ANKRD6: variants seen among roughly 807,000 people sequenced by gnomAD.
ANKRD6 encodes the protein ankyrin repeat domain 6.
ANKRD6 carries 56 observed loss-of-function variants against 82.3 expected under a neutral mutation model. That is an observed-to-expected ratio of 0.68 (90% CI 0.55 to 0.85). The LOEUF (loss-of-function observed/expected upper bound fraction) is 0.85, where lower values mean the gene tolerates loss of function less well. ANKRD6 is among the 40% of genes least tolerant of loss of function. ANKRD6 has a pLI of 0.00. For synonymous variants in ANKRD6, 347 were observed against 352.1 expected (o/e 0.99, Z 0.16); for missense variants, 852 against 907.6 (o/e 0.94, Z 0.79).
intron 1 of ANKRD6, among the ~76,000 whole-genome samples, chr6:89,515,516 A>G (rs1224248856): frequency 6.6e-6 from 1 of 152,206 alleles, no homozygotes; most frequent in Non-Finnish European, 1.5e-5. Context: ...GGCAGGTAAA[A>G]TGTCTGCCCT....
chr6:89,579,988 A>G (rs1341938923), intron 2 of ANKRD6, among the ~76,000 whole-genome samples: 2 of 152,114 alleles, frequency 1.3e-5, no homozygotes, highest in East Asian at 1.9e-4. Context: ...AGAAGAGTCA[A>G]AATTATAGGG....
chr6:89,580,196 C>T (rs868373058), intron 2 of ANKRD6, among the ~76,000 whole-genome samples: 5 of 147,326 alleles, frequency 3.4e-5, no homozygotes, highest in Non-Finnish European at 7.4e-5. Flanking sequence ...AATTATACCT[C>T]GAGAAACTTG....
chr6:89,603,197 C>T lies in ANKRD6; in HGVS notation c.318+70C>T. On this transcript the variant is annotated intron_variant, in intron 4 of 15. Coordinates refer to ENST00000339746, the MANE Select transcript of ANKRD6 (RefSeq NM_001242809.2). ...CAGTGGCTCAGGGGAGCTGGAGGAGCCCGCTCTGGAAACTTTTGAGTCCTC... is the reference window on the plus strand; with the variant it reads ...CAGTGGCTCAGGGGAGCTGGAGGAGTCCGCTCTGGAAACTTTTGAGTCCTC... The T allele has an allele frequency of 2.1e-6, 3 of 1,425,538 alleles. No homozygotes were observed. In the Admixed American group the frequency reaches 6.2e-5, roughly 29 times the overall value. The allele number at this position is 1,425,538 out of a possible 1,614,324, so 88.3% of individuals were successfully genotyped here.
chr6:89,436,090 G>GT (rs1463053557), intron 1 of ANKRD6, among the ~76,000 whole-genome samples: 2 of 152,192 alleles, frequency 1.3e-5, no homozygotes. Context: ...TCAGTAGTTA[G>GT]TAGTTAGGTT....
chr6:89,529,898 A>G (rs746644783), intron 1 of ANKRD6, among the ~76,000 whole-genome samples: 3 of 152,200 alleles, frequency 2.0e-5, no homozygotes, highest in Non-Finnish European at 2.9e-5. Context: ...GTACCCCAAA[A>G]CAATTACAGT....
rs540181617 is a variant in ANKRD6 at position 89,466,011 on chromosome 6, A to G, written c.-144+32636A>G. ...AGATAATATAGGAAATGAGCAGAAA[A>G]GAAGATAATCCTCTCCAGTCTTTCT... On this transcript the variant is annotated intron_variant, in intron 1 of 15. Transcript: ENST00000339746. 4.6e-5 allele frequency among the ~76,000 whole-genome samples: 7 copies of G among 152,328 alleles called. No homozygotes were observed. In the East Asian group the frequency reaches 1.3e-3, roughly 29 times the overall value.
rs569884426 is a variant in ANKRD6, at chr6:89,462,960, T to C, written c.-144+29585T>C. Among the ~76,000 whole-genome samples the C allele has an allele frequency of 2.6e-5, 4 of 151,706 alleles. No individual in the cohort carries two copies. In the South Asian group the frequency reaches 8.4e-4, roughly 32 times the overall value. On this transcript the variant is annotated intron_variant, in intron 1 of 15. Transcript: ENST00000339746. ...TCAGAGCTCGCTCAAACTCCTGGGC[T>C]CAAGTGATCCTCCTGCCTCAGCTTC...
chr6:89,492,234 A>T (rs1379932440), intron 1 of ANKRD6, among the ~76,000 whole-genome samples: 1 of 152,162 alleles, frequency 6.6e-6, no homozygotes, highest in Admixed American at 6.5e-5. Flanking sequence ...GAGAGAAGGG[A>T]GCAGCCTGGC....
intron 1 of ANKRD6, among the ~76,000 whole-genome samples, chr6:89,453,902 C>T (rs1373162364): frequency 2.6e-5 from 4 of 151,870 alleles, no homozygotes; most frequent in South Asian, 2.1e-4. Context: ...CATGGGTTCA[C>T]GCCATTCTCC....
chr6:89,575,435 A>G (rs1469312740), intron 2 of ANKRD6, among the ~76,000 whole-genome samples: 5 of 152,088 alleles, frequency 3.3e-5, no homozygotes, highest in Admixed American at 6.5e-5. Flanking sequence ...TTGAGCCCCA[A>G]CACTGGTAAC....
intron 5 of ANKRD6, among the ~76,000 whole-genome samples, chr6:89,607,119 T>A (rs554193879): frequency 2.7e-5 from 4 of 150,168 alleles, no homozygotes; most frequent in Non-Finnish European, 5.9e-5. Context: ...GCAGTGAGCT[T>A]AGTTCGTGCC....
intron 1 of ANKRD6, among the ~76,000 whole-genome samples, chr6:89,454,521 T>C (rs769203516): frequency 3.4e-4 from 52 of 152,202 alleles, no homozygotes; most frequent in Non-Finnish European, 1.5e-4. Context: ...ATGTAATTGG[T>C]CACTGATCGT....
rs182848308 is a variant in ANKRD6, at chr6:89,522,845, T to G, written c.-143-43989T>G. ...ATTTAGATTTGCACTCTTCCTGGTC[T>G]CAGGCATCTGACACCAACAGCCAGA... On this transcript the variant is annotated intron_variant, in intron 1 of 15. Transcript: ENST00000339746. Among the ~76,000 whole-genome samples the G allele has an allele frequency of 2.8e-3, 429 of 152,290 alleles. 7 individuals carry two copies. Among genetic ancestry groups the G allele is most frequent in the African/African-American group, 9.7e-3 (404 of 41,542 alleles).
chr6:89,572,068 G>A (rs868648793), intron 2 of ANKRD6, among the ~76,000 whole-genome samples: 5 of 152,038 alleles, frequency 3.3e-5, no homozygotes, highest in East Asian at 1.9e-4. Flanking sequence ...AGTTATATGC[G>A]TTTAAGGTTC....
chr6:89,442,238 C>T (rs943926476), intron 1 of ANKRD6, among the ~76,000 whole-genome samples: 2 of 151,780 alleles, frequency 1.3e-5, no homozygotes, highest in South Asian at 4.2e-4. Flanking sequence ...TCAAGCAATC[C>T]ACCTGCCTTG....
intron 2 of ANKRD6, among the ~76,000 whole-genome samples, chr6:89,585,612 GA>G (rs1171714795): frequency 6.6e-6 from 1 of 152,210 alleles, no homozygotes; most frequent in Non-Finnish European, 1.5e-5. Flanking sequence ...GCAAGTTTTA[GA>G]AAGTACTAGG....
rs59957854 is a variant in ANKRD6, at chr6:89,567,354, G to A, written c.120+258G>A. On this transcript the variant is annotated intron_variant, in intron 2 of 15. Transcript: ENST00000339746. Reference sequence around the variant, plus strand: ...CCTATTTCTTTAGCTAAATGGAGAGGAGATCTCTTGGGAGAAGTTGGGACA... The same window carrying A: ...CCTATTTCTTTAGCTAAATGGAGAGAAGATCTCTTGGGAGAAGTTGGGACA... 7.5e-3 allele frequency among the ~76,000 whole-genome samples: 1,140 copies of A among 152,226 alleles called. 17 individuals carry two copies. The highest frequency in any genetic ancestry group is 0.026 in the African/African-American group (1,081 of 41,530).
chr6:89,510,221 T>A (rs368612933), intron 1 of ANKRD6, among the ~76,000 whole-genome samples: 1 of 152,238 alleles, frequency 6.6e-6, no homozygotes, highest in South Asian at 2.1e-4. Context: ...GTAGCATAAA[T>A]GCAAAATCAA....
intron 1 of ANKRD6, among the ~76,000 whole-genome samples, chr6:89,441,129 T>G (rs949487785): frequency 3.3e-5 from 5 of 152,192 alleles, no homozygotes; most frequent in Non-Finnish European, 7.3e-5. Flanking sequence ...TGGGGATAAA[T>G]GACCTTGAAC....
Sources: gnomAD v4.1 joint callset for allele counts (sites outside exome capture counted in the v4.1 genomes callset) on GRCh38, gnomAD v4.1.1 for gene constraint, MANE v1.5 for transcripts, NCBI Gene and HGNC (gene_info 2026-07-23, HGNC 2026-07-21) for gene names.